The following TMEM158 variants were observed in gnomAD, a reference collection of about 807,000 sequenced individuals.
TMEM158 encodes the protein 40 kDa BINP-binding protein.
A neutral mutation model predicts 12.0 loss-of-function variants in TMEM158; 7 were observed. The ratio of observed to expected loss-of-function variants is 0.59; its 90% CI spans 0.33 to 1.10. The LOEUF is 1.10. TMEM158 is among the 50% of genes least tolerant of loss of function. TMEM158 has a pLI of 0.03. For synonymous variants in TMEM158, 209 were observed against 231.1 expected (o/e 0.90, Z 0.87); for missense variants, 405 against 454.7 (o/e 0.89, Z 0.99).
rs1166598297 is a variant in TMEM158, at chr3:45,226,271, G to A, written c.-244C>T. The A allele has an allele frequency of 3.9e-5, 9 of 230,046 alleles. No homozygotes were observed. Among genetic ancestry groups the A allele is most frequent in the African/African-American group, 1.9e-4 (8 of 42,796 alleles). The allele number at this position is 230,046 out of a possible 1,614,324, so 14.3% of individuals were successfully genotyped here. On this transcript the variant is annotated 5_prime_UTR_variant, in exon 1 of 1. Transcript: ENST00000503771. ...GCCGCCCCCGGCGCCGGGGCCCTTG[G>A]GCTGCCGCGCTGCTCTGCGGGGCCG...
chr3:45,225,221 G>A lies in TMEM158; in HGVS notation c.807C>T (p.Thr269=). 10 of 1,301,702 alleles carry A rather than the reference G, an allele frequency of 7.7e-6. No homozygotes were observed. The highest frequency in any genetic ancestry group is 3.1e-5 in the Admixed American group (1 of 31,912). 80.6% of individuals were successfully genotyped at this position (1,301,702 alleles called of 1,614,324 possible). The change falls in exon 1 of 1, where the codon ACC becomes ACT. Residue 269 remains threonine (T), a synonymous_variant. Transcript: ENST00000503771. This position sits in a 1 kb window ranked among gnomAD's most constrained non-coding sequence, Gnocchi z 5.7. ...TGGTCCCTGCGGGCACTGCGGCGGG[G>A]GTGGCTGCGGTGGTGCTGGCGGTGG... The part of the protein sequence containing the change: ...RRTTASTTAA[T]PAAVPAGTTA...
rs1700147680 is a variant in TMEM158 at position 45,225,482 on chromosome 3, G to A, written c.546C>T (p.Ala182=). 1.3e-5 allele frequency: 17 copies of A among 1,269,410 alleles called. No homozygotes were observed. The highest frequency in any genetic ancestry group is 2.8e-5 in the South Asian group (1 of 36,298). 78.6% of individuals were successfully genotyped at this position (1,269,410 alleles called of 1,614,324 possible). A position where few individuals can be genotyped will look rare whatever the true frequency, so the allele number is the denominator to read the frequency against. ...APTALPAYPA[A]EPPGPLWLQG... Reference sequence around the variant, plus strand: ...GCAGCCACAGCGGCCCGGGCGGCTCGGCCGCGGGGTAGGCTGGCAGCGCGG... The same window carrying A: ...GCAGCCACAGCGGCCCGGGCGGCTCAGCCGCGGGGTAGGCTGGCAGCGCGG... The change falls in exon 1 of 1, where the codon GCC becomes GCT. Residue 182 remains alanine (A), a synonymous_variant. Transcript: ENST00000503771. The surrounding 1 kb of genome is among the most constrained non-coding windows in gnomAD (Gnocchi z 5.7).
Position 45,225,791 on chromosome 3 carries a change from C to T in TMEM158, c.237G>A (p.Gln79=). ...CGAGCAGCGAGCTCAGCATCTGCCG[C>T]TGCACGCTGATGTTGCACGGCGCCG... ...AAAAPCNISV[Q]RQMLSSLLVR... The change falls in exon 1 of 1, where the codon CAG becomes CAA. Residue 79 remains glutamine (Q), a synonymous_variant. Transcript: ENST00000503771. This position sits in a 1 kb window ranked among gnomAD's most constrained non-coding sequence, Gnocchi z 5.7. The T allele has an allele frequency of 7.1e-7, 1 of 1,405,726 alleles. No homozygotes were observed. 87.1% of individuals were successfully genotyped at this position (1,405,726 alleles called of 1,614,324 possible). A position where few individuals can be genotyped will look rare whatever the true frequency, so the allele number is the denominator to read the frequency against.
rs970594991 is a variant in TMEM158 at position 45,225,132 on chromosome 3, G to T, written c.896C>A (p.Thr299Asn). Reference sequence around the variant, plus strand: ...AGGGAGGAGCGGAGCGGGTCACTTGGTCGCCACCCCCGAAGTGACGGCCGC... The same window carrying T: ...AGGGAGGAGCGGAGCGGGTCACTTGTTCGCCACCCCCGAAGTGACGGCCGC... ...AAAAVTSGVA[T>N]K The change falls in exon 1 of 1, where the codon ACC (threonine) becomes AAC (asparagine). Residue 299 changes from threonine to asparagine, a missense_variant. Thr to Asn is a moderately conservative substitution (Grantham distance 65). Coordinates refer to ENST00000503771, the MANE Select transcript of TMEM158 (RefSeq NM_015444.3). The surrounding 1 kb of genome is among the most constrained non-coding windows in gnomAD (Gnocchi z 5.7). 4 of 1,256,276 alleles carry T rather than the reference G, an allele frequency of 3.2e-6. No homozygotes were observed. The highest frequency in any genetic ancestry group is 3.2e-5 in the East Asian group (1 of 31,610). The allele number at this position is 1,256,276 out of a possible 1,614,324, so 77.8% of individuals were successfully genotyped here. A position where few individuals can be genotyped will look rare whatever the true frequency, so the allele number is the denominator to read the frequency against.
Position 45,225,811 on chromosome 3 carries a change from G to GCGCCGCCGC in TMEM158, c.208_216dup (p.Ala70_Ala72dup), listed in dbSNP as rs958104992. On this transcript the variant is annotated inframe_insertion, in exon 1 of 1. Transcript: ENST00000503771. This position sits in a 1 kb window ranked among gnomAD's most constrained non-coding sequence, Gnocchi z 5.7. ...TGCCGCTGCACGCTGATGTTGCACG[G>GCGCCGCCGC]CGCCGCCGCCGCCGCCGCCTCCTCC... 1 of 1,332,102 alleles carries GCGCCGCCGC rather than the reference G, an allele frequency of 7.5e-7. No homozygotes were observed. The highest frequency in any genetic ancestry group is 1.6e-5 in the African/African-American group (1 of 64,152). The allele number at this position is 1,332,102 out of a possible 1,614,324, so 82.5% of individuals were successfully genotyped here. A position where few individuals can be genotyped will look rare whatever the true frequency, so the allele number is the denominator to read the frequency against.
Position 45,226,127 on chromosome 3 carries a change from C to A in TMEM158, c.-100G>T. 3.1e-6 allele frequency: 3 copies of A among 980,538 alleles called. No individual in the cohort carries two copies. The highest frequency in any genetic ancestry group is 3.6e-6 in the Non-Finnish European group (3 of 827,974). 60.7% of individuals were successfully genotyped at this position (980,538 alleles called of 1,614,324 possible). On this transcript the variant is annotated 5_prime_UTR_variant, in exon 1 of 1. Coordinates refer to ENST00000503771, the MANE Select transcript of TMEM158 (RefSeq NM_015444.3). ...ACGGTGGGACCGCGGGAGCCGGCGG[C>A]CGGGCGCAGTGCGGGCGCGCCGGGC...
chr3:45,225,914 G>A lies in TMEM158; in HGVS notation c.114C>T (p.Asn38=). ...LLGVPSNASV[N]ASSADEPIAP... is the part of the protein sequence containing the mutation. ...CGATGGGCTCGTCCGCGGAGGACGC[G>A]TTGACTGAAGCATTGGAGGGCACCC... The change falls in exon 1 of 1, where the codon AAC becomes AAT. Residue 38 remains asparagine, a synonymous_variant. Transcript: ENST00000503771. The surrounding 1 kb of genome is among the most constrained non-coding windows in gnomAD (Gnocchi z 5.7). 5.1e-6 allele frequency: 6 copies of A among 1,186,100 alleles called. No individual in the cohort carries two copies. Among genetic ancestry groups the A allele is most frequent in the African/African-American group, 1.6e-5 (1 of 60,756 alleles). 73.5% of individuals were successfully genotyped at this position (1,186,100 alleles called of 1,614,324 possible).
rs1470317573 is a variant in TMEM158 at position 45,225,685 on chromosome 3, C to A, written c.343G>T (p.Ala115Ser). ...GGCGGCCCGACGCGGTGGAAGGCGGCGGCGAAGAAAGCGCGGCCGTGCGCG... is the reference window on the plus strand; with the variant it reads ...GGCGGCCCGACGCGGTGGAAGGCGGAGGCGAAGAAAGCGCGGCCGTGCGCG... ...TNAHGRAFFA[A>S]AFHRVGPPLL... The change falls in exon 1 of 1, where the codon GCC becomes TCC. Residue 115 changes from alanine (A) to serine (S), a missense_variant. Physicochemically the swap from Ala to Ser is moderately conservative, Grantham distance 99 (BLOSUM62 1). Transcript: ENST00000503771. This position sits in a 1 kb window ranked among gnomAD's most constrained non-coding sequence, Gnocchi z 5.7. 1.4e-5 allele frequency: 20 copies of A among 1,458,408 alleles called. No individual in the cohort carries two copies. Among genetic ancestry groups the A allele is most frequent in the Non-Finnish European group, 1.6e-5 (18 of 1,102,688 alleles). 90.3% of individuals were successfully genotyped at this position (1,458,408 alleles called of 1,614,324 possible).
At position 45,225,607 on chromosome 3, in the gene TMEM158, G is replaced by T; in HGVS notation, c.421C>A (p.Arg141Ser). The T allele has an allele frequency of 1.5e-6, 2 of 1,345,094 alleles. No individual in the cohort carries two copies. Among genetic ancestry groups the T allele is most frequent in the South Asian group, 1.6e-5 (1 of 64,204 alleles). 83.3% of individuals were successfully genotyped at this position (1,345,094 alleles called of 1,614,324 possible). Residue 141 changes from arginine (R) to serine (S), a missense_variant, in exon 1 of 1, where the codon CGC becomes AGC. Arg to Ser is a moderately radical substitution (Grantham distance 110). Coordinates refer to ENST00000503771, the MANE Select transcript of TMEM158 (RefSeq NM_015444.3). The surrounding 1 kb of genome is among the most constrained non-coding windows in gnomAD (Gnocchi z 5.7). ...LAAGGAQQDL[R>S]LCVGCGWVRG... ...ACCCAGCCGCAGCCCACGCAGAGGC[G>T]CAGGTCCTGCTGCGCGCCGCCCGCC...
rs1342798521 is a variant in TMEM158, at chr3:45,225,403, C to G, written c.625G>C (p.Gly209Arg). ...CGGTTCAGCCGCCAGCCCGGCTCGC[C>G]CTGCAGCTCCTCCAGGCTGAAGTCT... ...CLDFSLEELQ[G>R]EPGWRLNRKP... Residue 209 changes from glycine (G) to arginine (R), a missense_variant, in exon 1 of 1, where the codon GGC (glycine) becomes CGC (arginine). Coordinates refer to ENST00000503771, the MANE Select transcript of TMEM158 (RefSeq NM_015444.3). The surrounding 1 kb of genome is among the most constrained non-coding windows in gnomAD (Gnocchi z 5.7). 1 of 1,475,460 alleles carries G rather than the reference C, an allele frequency of 6.8e-7. No individual in the cohort carries two copies. Among genetic ancestry groups the G allele is most frequent in the Non-Finnish European group, 9.1e-7 (1 of 1,104,852 alleles). 91.4% of individuals were successfully genotyped at this position (1,475,460 alleles called of 1,614,324 possible). A position where few individuals can be genotyped will look rare whatever the true frequency, so the allele number is the denominator to read the frequency against.
chr3:45,225,731 G>A lies in TMEM158; in HGVS notation c.297C>T (p.Asp99=), dbSNP rs1330959445. Residue 99 remains aspartate (D), a synonymous_variant, in exon 1 of 1, where the codon GAC becomes GAT. Transcript: ENST00000503771. This position sits in a 1 kb window ranked among gnomAD's most constrained non-coding sequence, Gnocchi z 5.7. ...GCGCGTTGGTGGAGAAGAGCAGTAG[G>A]TCGCACTGGAAGCCCCGCGGGCGGC... The part of the protein sequence containing the change: ...RWGRPRGFQC[D]LLLFSTNAHG... 2 of 1,457,386 alleles carry A rather than the reference G, an allele frequency of 1.4e-6. No individual in the cohort carries two copies. Among genetic ancestry groups the A allele is most frequent in the South Asian group, 1.3e-5 (1 of 77,938 alleles). 90.3% of individuals were successfully genotyped at this position (1,457,386 alleles called of 1,614,324 possible).
chr3:45,225,181 C>T lies in TMEM158; in HGVS notation c.847G>A (p.Ala283Thr). ...GCGGCGGCGGCGGCAGCGGCGGCGG[C>T]GGCGGCGGCTGCGGTGGTCCCTGCG... ...VPAGTTAAAAAAAAAAAAAAV... is the reference protein window; with the variant it reads ...VPAGTTAAAATAAAAAAAAAV... The change falls in exon 1 of 1, where the codon GCC becomes ACC. Residue 283 changes from alanine to threonine, a missense_variant. Coordinates refer to ENST00000503771, the MANE Select transcript of TMEM158 (RefSeq NM_015444.3). The surrounding 1 kb of genome is among the most constrained non-coding windows in gnomAD (Gnocchi z 5.7). 2 of 1,267,402 alleles carry T rather than the reference C, an allele frequency of 1.6e-6. No individual in the cohort carries two copies. The highest frequency in any genetic ancestry group is 3.8e-5 in the South Asian group (1 of 26,264). The allele number at this position is 1,267,402 out of a possible 1,614,324, so 78.5% of individuals were successfully genotyped here.
chr3:45,225,565 C>A lies in TMEM158; in HGVS notation c.463G>T (p.Gly155Cys). ...GGGGCGGCGGCGGGCCGGAGGCGGC[C>A]GGTGCGGCGACCGCGCACCCAGCCG... ...GCGWVRGRRTGRLRPAAAPSA... is the reference protein window; with the variant it reads ...GCGWVRGRRTCRLRPAAAPSA... Residue 155 changes from glycine to cysteine, a missense_variant, in exon 1 of 1, where the codon GGC becomes TGC. Coordinates refer to ENST00000503771, the MANE Select transcript of TMEM158 (RefSeq NM_015444.3). The surrounding 1 kb of genome is among the most constrained non-coding windows in gnomAD (Gnocchi z 5.7). 1.2e-5 allele frequency: 13 copies of A among 1,085,208 alleles called. No homozygotes were observed. The highest frequency in any genetic ancestry group is 1.3e-5 in the Non-Finnish European group (12 of 896,994). The allele number at this position is 1,085,208 out of a possible 1,614,324, so 67.2% of individuals were successfully genotyped here. A position where few individuals can be genotyped will look rare whatever the true frequency, so the allele number is the denominator to read the frequency against.
In TMEM158 at chr3:45,225,227, T is replaced by C. The variant is rs1700144935; in HGVS notation, c.801A>G (p.Ala267=). The C allele has an allele frequency of 2.3e-6, 3 of 1,309,946 alleles. No individual in the cohort carries two copies. Among genetic ancestry groups the C allele is most frequent in the Non-Finnish European group, 2.9e-6 (3 of 1,022,764 alleles). 81.1% of individuals were successfully genotyped at this position (1,309,946 alleles called of 1,614,324 possible). Residue 267 remains alanine, a synonymous_variant, in exon 1 of 1, where the codon GCA becomes GCG. Coordinates refer to ENST00000503771, the MANE Select transcript of TMEM158 (RefSeq NM_015444.3). The surrounding 1 kb of genome is among the most constrained non-coding windows in gnomAD (Gnocchi z 5.7). ...EQRRTTASTT[A]ATPAAVPAGT... is the part of the protein sequence containing the mutation. ...CTGCGGGCACTGCGGCGGGGGTGGC[T>C]GCGGTGGTGCTGGCGGTGGTCCGGC...
rs1360488194 is a variant in TMEM158 at position 45,225,428 on chromosome 3, T to C, written c.600A>G (p.Leu200=). The change falls in exon 1 of 1, where the codon CTA becomes CTG. Residue 200 remains leucine (L), a synonymous_variant. Transcript: ENST00000503771. The surrounding 1 kb of genome is among the most constrained non-coding windows in gnomAD (Gnocchi z 5.7). ...CCTGCAGCTCCTCCAGGCTGAAGTCTAGGCAGCAGAAATGCAGCGGCTCGC... is the reference window on the plus strand; with the variant it reads ...CCTGCAGCTCCTCCAGGCTGAAGTCCAGGCAGCAGAAATGCAGCGGCTCGC... ...LQGEPLHFCC[L]DFSLEELQGE... is the part of the protein sequence containing the mutation. 1 of 1,425,096 alleles carries C rather than the reference T, an allele frequency of 7.0e-7. No homozygotes were observed. 88.3% of individuals were successfully genotyped at this position (1,425,096 alleles called of 1,614,324 possible).
In TMEM158 at chr3:45,225,219, G is replaced by A. The variant is rs1216209688; in HGVS notation, c.809C>T (p.Pro270Leu). The part of the protein sequence containing the change: ...RTTASTTAAT[P>L]AAVPAGTTAA... ...GGTGGTCCCTGCGGGCACTGCGGCGGGGGTGGCTGCGGTGGTGCTGGCGGT... is the reference window on the plus strand; with the variant it reads ...GGTGGTCCCTGCGGGCACTGCGGCGAGGGTGGCTGCGGTGGTGCTGGCGGT... Residue 270 changes from proline (P) to leucine (L), a missense_variant, in exon 1 of 1, where the codon CCC becomes CTC. Coordinates refer to ENST00000503771, the MANE Select transcript of TMEM158 (RefSeq NM_015444.3). The surrounding 1 kb of genome is among the most constrained non-coding windows in gnomAD (Gnocchi z 5.7). 7.7e-7 allele frequency: 1 copy of A among 1,300,086 alleles called. No individual in the cohort carries two copies. Among genetic ancestry groups the A allele is most frequent in the Non-Finnish European group, 9.8e-7 (1 of 1,019,138 alleles). The allele number at this position is 1,300,086 out of a possible 1,614,324, so 80.5% of individuals were successfully genotyped here.
At position 45,225,912 on chromosome 3, in the gene TMEM158, G is replaced by A. The variant is rs1356011494; in HGVS notation, c.116C>T (p.Ala39Val). The A allele has an allele frequency of 4.2e-6, 5 of 1,193,440 alleles. No individual in the cohort carries two copies. In the East Asian group the frequency reaches 1.5e-4, roughly 35 times the overall value. 73.9% of individuals were successfully genotyped at this position (1,193,440 alleles called of 1,614,324 possible). ...LGVPSNASVN[A>V]SSADEPIAPR... is the part of the protein sequence containing the mutation. ...GGCGATGGGCTCGTCCGCGGAGGAC[G>A]CGTTGACTGAAGCATTGGAGGGCAC... The change falls in exon 1 of 1, where the codon GCG becomes GTG. Residue 39 changes from alanine (A) to valine (V), a missense_variant. By Grantham distance (64) the Ala-to-Val change is moderately conservative. Coordinates refer to ENST00000503771, the MANE Select transcript of TMEM158 (RefSeq NM_015444.3). The surrounding 1 kb of genome is among the most constrained non-coding windows in gnomAD (Gnocchi z 5.7).
In TMEM158 at chr3:45,225,158, G is replaced by C; in HGVS notation, c.870C>G (p.Ala290=). ...TCGCCACCCCCGAAGTGACGGCCGC[G>C]GCGGCGGCGGCAGCGGCGGCGGCGG... ...AAAAAAAAAA[A]AAVTSGVATK Residue 290 remains alanine (A), a synonymous_variant, in exon 1 of 1, where the codon GCC becomes GCG. Transcript: ENST00000503771. This position sits in a 1 kb window ranked among gnomAD's most constrained non-coding sequence, Gnocchi z 5.7. 8.0e-7 allele frequency: 1 copy of C among 1,256,558 alleles called. No homozygotes were observed. The highest frequency in any genetic ancestry group is 1.0e-6 in the Non-Finnish European group (1 of 1,004,268). 77.8% of individuals were successfully genotyped at this position (1,256,558 alleles called of 1,614,324 possible).
Position 45,225,249 on chromosome 3 carries a change from C to T in TMEM158, c.779G>A (p.Arg260Gln), listed in dbSNP as rs750603213. The part of the protein sequence containing the change: ...GFLPNGMEQR[R>Q]TTASTTAATP... Reference sequence around the variant, plus strand: ...GGCTGCGGTGGTGCTGGCGGTGGTCCGGCGCTGTTCCATGCCGTTGGGCAG... The same window carrying T: ...GGCTGCGGTGGTGCTGGCGGTGGTCTGGCGCTGTTCCATGCCGTTGGGCAG... The change falls in exon 1 of 1, where the codon CGG becomes CAG. Residue 260 changes from arginine to glutamine, a missense_variant. Arg to Gln is a conservative substitution (Grantham distance 43). Transcript: ENST00000503771. This position sits in a 1 kb window ranked among gnomAD's most constrained non-coding sequence, Gnocchi z 5.7. 5.9e-6 allele frequency: 8 copies of T among 1,366,626 alleles called. No individual in the cohort carries two copies. In the African/African-American group the frequency reaches 1.2e-4, roughly 20 times the overall value. 84.7% of individuals were successfully genotyped at this position (1,366,626 alleles called of 1,614,324 possible).
Sources: allele counts gnomAD v4.1 joint callset, GRCh38; gene constraint gnomAD v4.1.1; non-coding constraint Gnocchi (gnomAD v3.1); transcripts MANE v1.5; gene names NCBI Gene and HGNC (gene_info 2026-07-23, HGNC 2026-07-21).